The following GNG2 variants were observed in gnomAD, a reference collection of about 807,000 sequenced individuals.
GNG2 encodes the protein guanine nucleotide-binding protein G(I)/G(S)/G(O) subunit gamma-2.
In GNG2, 5 loss-of-function variants were observed where a neutral mutation model predicts 5.5. The ratio of observed to expected loss-of-function variants is 0.91; its 90% CI spans 0.48 to 1.92. The LOEUF is 1.92. Ranked by LOEUF, GNG2 falls within the 30% of genes most tolerant of loss-of-function variation. GNG2 has a pLI of 0.01. For missense variants in GNG2, 55 were observed against 88.4 expected (o/e 0.62, Z 1.52); for synonymous variants, 28 against 32.0 (o/e 0.88, Z 0.42).
chr14:51,934,918 T>G (rs1170241382), intron 2 of GNG2, among the ~76,000 whole-genome samples: 1 of 152,014 alleles, frequency 6.6e-6, no homozygotes, highest in Non-Finnish European at 1.5e-5. Context: ...TAGCAAATAC[T>G]ATTCACACAC....
upstream of GNG2, among the ~76,000 whole-genome samples, chr14:51,857,923 A>G (rs192944108): frequency 6.6e-6 from 1 of 152,326 alleles, no homozygotes; most frequent in East Asian, 1.9e-4. Context: ...AGAAAGCTCA[A>G]TAACATAGGA....
intron 2 of GNG2, among the ~76,000 whole-genome samples, chr14:51,833,338 A>G (rs1422844782): frequency 6.6e-6 from 1 of 151,996 alleles, no homozygotes; most frequent in Non-Finnish European, 1.5e-5. Flanking sequence ...TCCTTTTTCA[A>G]CTTTTTTCCA....
intron 3 of GNG2, among the ~76,000 whole-genome samples, chr14:51,954,334 G>T (rs767971486): frequency 3.5e-4 from 53 of 152,132 alleles, no homozygotes; most frequent in Non-Finnish European, 8.8e-5. Flanking sequence ...GTTAGGGGAA[G>T]GGGGAGAGAG....
At chr14:51,863,596 T>C (rs1172802297) in intron 1 of GNG2, among the ~76,000 whole-genome samples, 2 of 152,190 alleles carry the variant, frequency 1.3e-5, no homozygotes, top group Non-Finnish European at 2.9e-5. Flanking sequence ...AGCGAGTACA[T>C]TGATGTGCTG....
intron 2 of GNG2, among the ~76,000 whole-genome samples, chr14:51,920,155 C>G (rs1024951541): frequency 2.0e-5 from 3 of 152,022 alleles, no homozygotes; most frequent in Admixed American, 6.6e-5. Context: ...GGATGTAGAA[C>G]CTGCAGATAC....
chr14:51,908,077 C>A (rs980425286), intron 2 of GNG2, among the ~76,000 whole-genome samples: 3 of 152,160 alleles, frequency 2.0e-5, no homozygotes, highest in African/African-American at 7.2e-5. Context: ...CTGGCTCAGG[C>A]GCCCTCACAA....
intron 1 of GNG2, among the ~76,000 whole-genome samples, chr14:51,862,671 G>C (rs1171079161): frequency 6.6e-6 from 1 of 152,226 alleles, no homozygotes; most frequent in African/African-American, 2.4e-5. Flanking sequence ...ATGAAACCTT[G>C]CCCGACGGGC....
At chr14:51,831,095 C>T (rs1594827692) in intron 2 of GNG2, among the ~76,000 whole-genome samples, 1 of 152,150 alleles carries the variant, frequency 6.6e-6, no homozygotes, top group South Asian at 2.1e-4. Flanking sequence ...AACTGAAATG[C>T]TCCTCCTCCA....
chr14:51,908,172 G>A (rs545414856), intron 2 of GNG2, among the ~76,000 whole-genome samples: 1 of 152,320 alleles, frequency 6.6e-6, no homozygotes, highest in East Asian at 1.9e-4. Flanking sequence ...TCATTCATAT[G>A]GCTGTAGGCA....
chr14:51,963,271 G>A (rs1465789980), intron 3 of GNG2, among the ~76,000 whole-genome samples: 1 of 152,206 alleles, frequency 6.6e-6, no homozygotes, highest in African/African-American at 2.4e-5. Context: ...GCAGCTCTAA[G>A]TTATTAAATT....
chr14:51,919,979 T>C (rs1280998410), intron 2 of GNG2, among the ~76,000 whole-genome samples: 1 of 152,154 alleles, frequency 6.6e-6, no homozygotes, highest in Non-Finnish European at 1.5e-5. Context: ...TAAACCGTTG[T>C]CCCTCTGTAT....
At chr14:51,880,853 TA>T (rs1884001648) in intron 2 of GNG2, among the ~76,000 whole-genome samples, 1 of 148,710 alleles carries the variant, frequency 6.7e-6, no homozygotes, top group Non-Finnish European at 1.5e-5. Context: ...GTGAACCAAA[TA>T]ATGACCATAT....
chr14:51,842,665 A>AAT (rs1235950021), intron 2 of GNG2, among the ~76,000 whole-genome samples: 2 of 136,980 alleles, frequency 1.5e-5, no homozygotes, highest in Admixed American at 7.0e-5. Flanking sequence ...TATTTGCCAG[A>AAT]ATTTTTTTTT....
Position 51,967,268 on chromosome 14 carries a change from A to C in GNG2, c.*581A>C, listed in dbSNP as rs375173970. ...GATTGAACTCCAAGAATGATCACACAAAATGTTTAGGGAGATGTTCCCCGT... is the reference window on the plus strand; with the variant it reads ...GATTGAACTCCAAGAATGATCACACCAAATGTTTAGGGAGATGTTCCCCGT... On this transcript the variant is annotated 3_prime_UTR_variant, in exon 4 of 4. Transcript: ENST00000556766. The C allele has an allele frequency of 7.2e-5, 11 of 152,464 alleles. No individual in the cohort carries two copies. The East Asian group carries it at 1.3e-3, about 19-fold the overall frequency. 9.4% of individuals were successfully genotyped at this position (152,464 alleles called of 1,614,324 possible). A position where few individuals can be genotyped will look rare whatever the true frequency, so the allele number is the denominator to read the frequency against.
chr14:51,969,442 C>G lies in GNG2; in HGVS notation c.*2755C>G, dbSNP rs1890100283. ...GCTAATAATATTTGAAGGAGATTGC[C>G]TACCAAGGACAAAACAATAAATTTA... On this transcript the variant is annotated 3_prime_UTR_variant, in exon 4 of 4. Transcript: ENST00000556766. The G allele has an allele frequency of 6.6e-6, 1 of 152,130 alleles. No homozygotes were observed. Among genetic ancestry groups the G allele is most frequent in the South Asian group, 2.1e-4 (1 of 4,832 alleles). The allele number at this position is 152,130 out of a possible 1,614,324, so 9.4% of individuals were successfully genotyped here. A position where few individuals can be genotyped will look rare whatever the true frequency, so the allele number is the denominator to read the frequency against.
At chr14:51,948,520 T>C (rs1289245056) in intron 2 of GNG2, among the ~76,000 whole-genome samples, 1 of 152,212 alleles carries the variant, frequency 6.6e-6, no homozygotes, top group Admixed American at 6.5e-5. Flanking sequence ...ATTGGATGAA[T>C]AGAAGAGTTA....
chr14:51,851,859 T>G (rs1881923363), intron 2 of GNG2, among the ~76,000 whole-genome samples: 1 of 152,244 alleles, frequency 6.6e-6, no homozygotes, highest in South Asian at 2.1e-4. Flanking sequence ...GTCCTTCAGA[T>G]ATAAAACCAT....
At chr14:51,946,700 G>A (rs961032007) in intron 2 of GNG2, among the ~76,000 whole-genome samples, 6 of 152,030 alleles carry the variant, frequency 3.9e-5, no homozygotes, top group African/African-American at 7.3e-5. Flanking sequence ...ACTCTCTGGT[G>A]TCCTTCTTTT....
At chr14:51,881,356 T>G (rs575516857) in intron 2 of GNG2, among the ~76,000 whole-genome samples, 1 of 152,286 alleles carries the variant, frequency 6.6e-6, no homozygotes, top group South Asian at 2.1e-4. Context: ...GATCATGTCT[T>G]GGAGTCTCAT....
Sources: allele counts gnomAD v4.1 joint callset (sites outside exome capture counted in the v4.1 genomes callset), GRCh38; gene constraint gnomAD v4.1.1; transcripts MANE v1.5; gene names NCBI Gene and HGNC (gene_info 2026-07-23, HGNC 2026-07-21).